The following MACROD2 variants were observed in gnomAD, a reference collection of about 807,000 sequenced individuals.
The protein encoded by MACROD2 is mono-ADP ribosylhydrolase 2.
MACROD2 carries 36 observed loss-of-function variants against 70.4 expected under a neutral mutation model. That is an observed-to-expected ratio of 0.51 (90% CI 0.39 to 0.68). The LOEUF is 0.68. Ranked by LOEUF, MACROD2 falls within the 30% of genes least tolerant of loss-of-function variation. The pLI, the probability that MACROD2 is intolerant of heterozygous loss-of-function variation, is 0.00. For missense variants in MACROD2, 496 were observed against 538.4 expected, an observed-to-expected ratio of 0.92 and a Z score of 0.78; for synonymous variants, 172 against 178.8, an observed-to-expected ratio of 0.96 and a Z score of 0.30.
At chr20:14,473,856 A>G (rs2123053036) in intron 3 of MACROD2, among the ~76,000 whole-genome samples, 1 of 152,166 alleles carries the variant, frequency 6.6e-6, no homozygotes, top group South Asian at 2.1e-4. Context: ...CTGGAGTGAG[A>G]TGATGTCTCC....
intron 3 of MACROD2, among the ~76,000 whole-genome samples, chr20:14,105,886 C>A (rs766440619): frequency 6.6e-6 from 1 of 152,142 alleles, no homozygotes; most frequent in African/African-American, 2.4e-5. Flanking sequence ...AGAGAACCTG[C>A]GGCCTTGAAG....
intron 8 of MACROD2, among the ~76,000 whole-genome samples, chr20:15,718,950 TA>T (rs2050745539): frequency 6.6e-6 from 1 of 152,206 alleles, no homozygotes; most frequent in African/African-American, 2.4e-5. Flanking sequence ...CTCTGCACAT[TA>T]AAGGTTCTAA....
At chr20:14,384,217 T>G (rs1243312224) in intron 3 of MACROD2, among the ~76,000 whole-genome samples, 1 of 152,074 alleles carries the variant, frequency 6.6e-6, no homozygotes, top group Non-Finnish European at 1.5e-5. Context: ...ACCTGAGATA[T>G]TCAGATCAAG....
chr20:15,062,069 G>A (rs1303773171), intron 5 of MACROD2, among the ~76,000 whole-genome samples: 1 of 152,174 alleles, frequency 6.6e-6, no homozygotes, highest in Non-Finnish European at 1.5e-5. Context: ...CTGGGTCCTA[G>A]TGGTCACTTG....
chr20:15,627,747 C>A (rs1169027124), intron 8 of MACROD2, among the ~76,000 whole-genome samples: 1 of 152,172 alleles, frequency 6.6e-6, no homozygotes, highest in Non-Finnish European at 1.5e-5. Flanking sequence ...GATCTTGTGA[C>A]CAGTCTATGC....
chr20:15,669,022 A>G (rs1345056315), intron 8 of MACROD2, among the ~76,000 whole-genome samples: 2 of 152,226 alleles, frequency 1.3e-5, no homozygotes, highest in Non-Finnish European at 1.5e-5. Flanking sequence ...CAGGAAAGAA[A>G]TTTAGAGAAA....
chr20:15,023,704 C>G (rs1203212926), intron 5 of MACROD2, among the ~76,000 whole-genome samples: 1 of 152,102 alleles, frequency 6.6e-6, no homozygotes, highest in Non-Finnish European at 1.5e-5. Flanking sequence ...TATTCACTAT[C>G]AAGAAAACAG....
intron 6 of MACROD2, among the ~76,000 whole-genome samples, chr20:15,249,313 C>T (rs1415156390): frequency 1.3e-5 from 2 of 152,192 alleles, no homozygotes; most frequent in East Asian, 3.9e-4. Context: ...ACTGTCTTCT[C>T]TACTCTCTCC....
At chr20:15,169,630 A>C (rs2076409363) in intron 5 of MACROD2, among the ~76,000 whole-genome samples, 1 of 152,248 alleles carries the variant, frequency 6.6e-6, no homozygotes, top group East Asian at 1.9e-4. Context: ...AGAAGAAAAA[A>C]ATCAAGTTGT....
chr20:15,177,776 C>T lies in MACROD2; in HGVS notation c.419-52164C>T, dbSNP rs2076472994. Among the ~76,000 whole-genome samples the T allele has an allele frequency of 3.9e-5, 6 of 152,260 alleles. No individual in the cohort carries two copies. The South Asian group carries it at 1.2e-3, about 32-fold the overall frequency. On this transcript the variant is annotated intron_variant, in intron 5 of 17. Coordinates refer to ENST00000684519, the MANE Select transcript of MACROD2 (RefSeq NM_001351661.2). ...TCCCTCCTCTTGCTTGGTTCTACTT[C>T]AGCTCAGTTACTTTTGACAAAGAAA...
In MACROD2 at chr20:14,677,057, G is replaced by A. The variant is rs112300557; in HGVS notation, c.302-7786G>A. Among the ~76,000 whole-genome samples the A allele has an allele frequency of 8.9e-3, 1,354 of 152,112 alleles. 13 individuals are homozygous for A. Among genetic ancestry groups the A allele is most frequent in the African/African-American group, 0.031 (1,269 of 41,498 alleles). On this transcript the variant is annotated intron_variant, in intron 4 of 17. Coordinates refer to ENST00000684519, the MANE Select transcript of MACROD2 (RefSeq NM_001351661.2). ...CTACATTCATTACTGTACAGTACCT[G>A]ATACGTTTCTGCTCAATGCTTTGCA... is the stretch of plus-strand genomic sequence containing the variant.
intron 2 of MACROD2, among the ~76,000 whole-genome samples, chr20:14,065,334 A>G (rs2053743131): frequency 6.6e-6 from 1 of 152,188 alleles, no homozygotes; most frequent in Non-Finnish European, 1.5e-5. Context: ...GCAGTCCTTA[A>G]CTATATTTGC....
chr20:15,980,268 T>C (rs1040014140), intron 13 of MACROD2, among the ~76,000 whole-genome samples: 3 of 152,228 alleles, frequency 2.0e-5, no homozygotes, highest in Non-Finnish European at 1.5e-5. Flanking sequence ...TCTTTGATTT[T>C]ACTTCCTTGT....
chr20:15,603,546 T>C (rs1342476728), intron 8 of MACROD2, among the ~76,000 whole-genome samples: 1 of 149,214 alleles, frequency 6.7e-6, no homozygotes, highest in East Asian at 2.0e-4. Context: ...TAGCCATAAA[T>C]CTATTCATAG....
chr20:14,082,177 CTTTTTTTTTTT>C (rs66918191), intron 2 of MACROD2, among the ~76,000 whole-genome samples: 1 of 93,172 alleles, frequency 1.1e-5, no homozygotes. Context: ...CTTTTTTTTT[CTTTTTTTTTTT>C]TTTTTTTTGA....
At chr20:15,380,274 G>GT (rs757516482) in intron 6 of MACROD2, among the ~76,000 whole-genome samples, 9 of 151,982 alleles carry the variant, frequency 5.9e-5, no homozygotes, top group Non-Finnish European at 1.0e-4. Context: ...GAAAGTTTTA[G>GT]TTGGGAAATA....
chr20:15,406,363 C>G (rs1025710903), intron 6 of MACROD2, among the ~76,000 whole-genome samples: 3 of 152,174 alleles, frequency 2.0e-5, no homozygotes, highest in African/African-American at 7.2e-5. Flanking sequence ...ATAGTAACAA[C>G]CCTTGACCTC....
At chr20:15,454,825 A>G (rs1196482849) in intron 7 of MACROD2, among the ~76,000 whole-genome samples, 1 of 151,684 alleles carries the variant, frequency 6.6e-6, no homozygotes, top group Non-Finnish European at 1.5e-5. Context: ...GCTTTTAACC[A>G]TTTCGCATAC....
chr20:15,140,268 T>C (rs1338729554), intron 5 of MACROD2, among the ~76,000 whole-genome samples: 1 of 152,096 alleles, frequency 6.6e-6, no homozygotes, highest in Non-Finnish European at 1.5e-5. Context: ...TTTCCCTGAG[T>C]TCGTTATGAT....
Sources: gnomAD v4.1 joint callset for allele counts (sites outside exome capture counted in the v4.1 genomes callset) on GRCh38, gnomAD v4.1.1 for gene constraint, MANE v1.5 for transcripts, NCBI Gene and HGNC (gene_info 2026-07-23, HGNC 2026-07-21) for gene names.